The following COL21A1 variants were observed in gnomAD, a reference collection of about 807,000 sequenced individuals.
The protein encoded by COL21A1 is collagen alpha-1(XXI) chain.
In COL21A1, 149 loss-of-function variants were observed where a neutral mutation model predicts 137.9. That is an observed-to-expected ratio of 1.08 (90% CI 0.95 to 1.24). COL21A1 has a LOEUF of 1.24. Ranked by LOEUF, COL21A1 falls within the 50% of genes most tolerant of loss-of-function variation. COL21A1 has a pLI of 0.00. For missense variants in COL21A1, 1,167 were observed against 1,158.4 expected (o/e 1.01, Z -0.11); for synonymous variants, 456 against 391.5 (o/e 1.16, Z -1.95).
chr6:56,142,087 A>AAT, intron 10 of COL21A1, 104 bp from the exon 11 acceptor site: 1 of 801,872 alleles, frequency 1.2e-6, no homozygotes, highest in Non-Finnish European at 1.9e-6. Flanking sequence ...TCATGCCTAA[A>AAT]ACTTCACTTA....
intron 16 of COL21A1, among the ~76,000 whole-genome samples, chr6:56,116,782 G>A (rs1771969478): frequency 6.6e-6 from 1 of 151,810 alleles, no homozygotes; most frequent in Admixed American, 6.6e-5. Context: ...AATATAAATT[G>A]AAACAATAAA....
rs368615864 is a variant in COL21A1 at position 56,104,668 on chromosome 6, TATAAC to T, written c.1759-3148_1759-3144del. On this transcript the variant is annotated intron_variant, in intron 16 of 29. Transcript: ENST00000244728. ...ATTCTGTTATTAACTCCCTTCTTGA[TATAAC>T]ATAATTGAGAAAATGTCATGCTTAA... Among the ~76,000 whole-genome samples, 554 of 152,292 alleles carry T rather than the reference TATAAC, an allele frequency of 3.6e-3. 7 individuals carry two copies. The highest frequency in any genetic ancestry group is 0.013 in the African/African-American group (528 of 41,558).
chr6:56,381,251 C>T (rs950715884), intron 1 of COL21A1, among the ~76,000 whole-genome samples: 6 of 151,970 alleles, frequency 3.9e-5, no homozygotes, highest in East Asian at 3.8e-4. Flanking sequence ...GTCGAGTTTA[C>T]GAATTTATAT....
At chr6:56,184,076 T>C (rs1333897202) in intron 1 of COL21A1, among the ~76,000 whole-genome samples, 1 of 152,128 alleles carries the variant, frequency 6.6e-6, no homozygotes, top group Non-Finnish European at 1.5e-5. Context: ...TGATTTAGCA[T>C]ATAAGTAAAT....
At chr6:56,228,846 T>C (rs1412912732) in intron 1 of COL21A1, among the ~76,000 whole-genome samples, 1 of 151,868 alleles carries the variant, frequency 6.6e-6, no homozygotes, top group Admixed American at 6.6e-5. Flanking sequence ...TAATTGCTGG[T>C]TCATCCATAT....
intron 17 of COL21A1, among the ~76,000 whole-genome samples, chr6:56,079,749 C>A (rs1219307435): frequency 6.6e-6 from 1 of 151,612 alleles, no homozygotes; most frequent in Non-Finnish European, 1.5e-5. Context: ...TCCTCTCAAA[C>A]TGGCCAAAAA....
chr6:56,120,762 CCAG>C (rs538164385), intron 16 of COL21A1, among the ~76,000 whole-genome samples: 136 of 150,292 alleles, frequency 9.0e-4, no homozygotes, highest in African/African-American at 3.2e-3. Context: ...CCATTGCACT[CCAG>C]CCTGGGCAAC....
intron 1 of COL21A1, among the ~76,000 whole-genome samples, chr6:56,305,102 T>TA (rs1323508289): frequency 1.3e-5 from 2 of 152,370 alleles, no homozygotes; most frequent in Non-Finnish European, 2.9e-5. Context: ...GAGAGACAGT[T>TA]TGTTACAATT....
intron 5 of COL21A1, among the ~76,000 whole-genome samples, chr6:56,169,202 A>C (rs2152271461): frequency 6.6e-6 from 1 of 152,018 alleles, no homozygotes; most frequent in South Asian, 2.1e-4. Flanking sequence ...TTACTTCAAT[A>C]ATTTTCAAAT....
intron 1 of COL21A1, among the ~76,000 whole-genome samples, chr6:56,305,748 T>C (rs986180704): frequency 3.9e-5 from 6 of 152,014 alleles, no homozygotes. Flanking sequence ...AAGGTTAATA[T>C]TGTTATGTGT....
chr6:56,172,192 A>C (rs1391713141), intron 3 of COL21A1, among the ~76,000 whole-genome samples: 1 of 152,134 alleles, frequency 6.6e-6, no homozygotes, highest in Non-Finnish European at 1.5e-5. Flanking sequence ...ATATATGCTA[A>C]GTTAAACCCA....
At chr6:56,361,447 T>C (rs1296664560) in intron 1 of COL21A1, among the ~76,000 whole-genome samples, 1 of 152,198 alleles carries the variant, frequency 6.6e-6, no homozygotes, top group Non-Finnish European at 1.5e-5. Context: ...ATAACCTAAA[T>C]GCTCAGTGAC....
intron 9 of COL21A1, among the ~76,000 whole-genome samples, chr6:56,161,453 G>T (rs1776192783): frequency 6.6e-6 from 1 of 152,074 alleles, no homozygotes; most frequent in Non-Finnish European, 1.5e-5. Flanking sequence ...CAGAACAGAA[G>T]CGCGTTCCAT....
chr6:56,168,316 G>A lies in COL21A1; in HGVS notation c.1027-19C>T. ...ACAACGTCTACAAAAAGAAAGTGTG[G>A]AAGATTCATAAATAAAGCCCCTAAC... On this transcript the variant is annotated intron_variant, in intron 5 of 29. Transcript: ENST00000244728. 1.3e-6 allele frequency: 2 copies of A among 1,510,242 alleles called. No individual in the cohort carries two copies. The highest frequency in any genetic ancestry group is 1.4e-5 in the South Asian group (1 of 74,040). The allele number at this position is 1,510,242 out of a possible 1,614,324, so 93.6% of individuals were successfully genotyped here.
intron 10 of COL21A1, among the ~76,000 whole-genome samples, chr6:56,154,891 G>GA (rs962260298): frequency 1.3e-4 from 19 of 149,878 alleles, no homozygotes; most frequent in African/African-American, 2.9e-4. Context: ...TACTTTTTAA[G>GA]AAAAAAAAAA....
chr6:56,392,296 C>T (rs972976215), intron 1 of COL21A1, among the ~76,000 whole-genome samples: 4 of 152,046 alleles, frequency 2.6e-5, no homozygotes, highest in Non-Finnish European at 5.9e-5. Flanking sequence ...AATTTAACAT[C>T]CCTTCATGAT....
chr6:56,261,376 C>A (rs1763269852), intron 1 of COL21A1, among the ~76,000 whole-genome samples: 1 of 152,170 alleles, frequency 6.6e-6, no homozygotes, highest in South Asian at 2.1e-4. Context: ...CTCCCAAATT[C>A]ACATGTTGAA....
intron 1 of COL21A1, chr6:56,331,852 A>T (rs1765233230): frequency 6.8e-6 from 1 of 147,306 alleles, no homozygotes; most frequent in Non-Finnish European, 1.5e-5. Flanking sequence ...CATAAAATCG[A>T]AAGCAAAACA....
chr6:56,060,669 A>G, intron 27 of COL21A1, 72 bp downstream of exon 27: 3 of 1,286,754 alleles, frequency 2.3e-6, no homozygotes, highest in South Asian at 1.4e-5. Flanking sequence ...TATCCTCTAC[A>G]ATATGTCCTA....
Sources: allele counts gnomAD v4.1 joint callset (sites outside exome capture counted in the v4.1 genomes callset), GRCh38; gene constraint gnomAD v4.1.1; transcripts MANE v1.5; gene names NCBI Gene and HGNC (gene_info 2026-07-23, HGNC 2026-07-21).